Variants in ADAP1 observed in about 807,000 individuals in gnomAD.
ADAP1 encodes arf-GAP with dual PH domain-containing protein 1.
Under a neutral mutation model 54.9 loss-of-function variants are expected in ADAP1, and 31 were observed. That is an observed-to-expected ratio of 0.56 (90% CI 0.42 to 0.76). ADAP1 has a LOEUF of 0.76. ADAP1 is among the 30% of genes least tolerant of loss of function. The probability of loss-of-function intolerance (pLI) is 0.00; values close to 1 mark genes in which losing one functional copy is unlikely to be tolerated. For synonymous variants in ADAP1, 313 were observed against 202.6 expected (o/e 1.55, Z -4.63); for missense variants, 535 against 512.4 (o/e 1.04, Z -0.42).
At chr7:912,127 G>A (rs1025653033) in intron 4 of ADAP1, among the ~76,000 whole-genome samples, 7 of 152,266 alleles carry the variant, frequency 4.6e-5, no homozygotes, top group Admixed American at 2.6e-4. Flanking sequence ...TGACATTTAC[G>A]GCAACGGTCG....
intron 4 of ADAP1, among the ~76,000 whole-genome samples, chr7:909,804 G>A (rs979096144): frequency 6.6e-5 from 10 of 152,164 alleles, no homozygotes; most frequent in Non-Finnish European, 1.3e-4. Context: ...GCTACCGCGT[G>A]CCGCGCCCTG....
At chr7:949,824 G>A (rs1847226225) in intron 1 of ADAP1, among the ~76,000 whole-genome samples, 1 of 152,260 alleles carries the variant, frequency 6.6e-6, no homozygotes, top group Non-Finnish European at 1.5e-5. Context: ...GCAGGAAGCG[G>A]GCACGTGTGA....
In ADAP1 at chr7:938,678, C is replaced by T. The variant is rs918602555; in HGVS notation, c.83-3173G>A. ...GCCAGTCTCCGGGCCTCGGTCTCCTCATCTGTCGGATGGGACAGCACGAGC... is the reference window on the plus strand; with the variant it reads ...GCCAGTCTCCGGGCCTCGGTCTCCTTATCTGTCGGATGGGACAGCACGAGC... On this transcript the variant is annotated intron_variant, in intron 1 of 10. Transcript: ENST00000265846. This position sits in a 1 kb window ranked among gnomAD's most constrained non-coding sequence, Gnocchi z 4.4. Among the ~76,000 whole-genome samples, 1 of 152,192 alleles carries T rather than the reference C, an allele frequency of 6.6e-6. No individual in the cohort carries two copies. The highest frequency in any genetic ancestry group is 2.4e-5 in the African/African-American group (1 of 41,442).
chr7:920,091 C>T lies in ADAP1; in HGVS notation c.306-41G>A. The stretch of plus-strand genomic sequence containing the variant: ...AGACTGAGCCACTGGGCCAAGGCGG[C>T]CTCCGACCCAGCACACGCCGCTCTC... On this transcript the variant is annotated intron_variant, in intron 3 of 10. Coordinates refer to ENST00000265846, the MANE Select transcript of ADAP1 (RefSeq NM_006869.4). This position sits in a 1 kb window ranked among gnomAD's most constrained non-coding sequence, Gnocchi z 4.5. 1.3e-6 allele frequency: 2 copies of T among 1,581,014 alleles called. No individual in the cohort carries two copies. The highest frequency in any genetic ancestry group is 8.6e-7 in the Non-Finnish European group (1 of 1,163,972).
intron 6 of ADAP1, 152 bp downstream of exon 6, chr7:903,974 C>T: frequency 9.7e-7 from 1 of 1,029,030 alleles, no homozygotes. Flanking sequence ...CCCGCCTTCC[C>T]ACGCTGCCCA....
chr7:905,369 A>AGGAGAAAGGAGAAAGGAGAAG, intron 4 of ADAP1, 197 bp from the exon 5 acceptor site: 1 of 131,570 alleles, frequency 7.6e-6, no homozygotes, highest in Non-Finnish European at 1.3e-5. Flanking sequence ...GGAAAGGGAA[A>AGGAGAAAGGAGAAAGGAGAAG]GGGAAAGGAG....
intron 2 of ADAP1, among the ~76,000 whole-genome samples, chr7:930,491 C>T (rs780334818): frequency 8.6e-5 from 13 of 151,128 alleles, no homozygotes; most frequent in Non-Finnish European, 1.6e-4. Context: ...GCCTGGCCAA[C>T]ATAGCAAGAC....
Position 905,288 on chromosome 7 carries a change from GGGACACGGACAGGGGGAGACGGACGGGGA to G in ADAP1, c.389-145_389-117del, listed in dbSNP as rs1300581527. The G allele has an allele frequency of 1.1e-4, 40 of 363,024 alleles. 4 individuals are homozygous for G. The highest frequency in any genetic ancestry group is 1.7e-4 in the Non-Finnish European group (34 of 203,206). The allele number at this position is 363,024 out of a possible 1,614,324, so 22.5% of individuals were successfully genotyped here. A position where few individuals can be genotyped will look rare whatever the true frequency, so the allele number is the denominator to read the frequency against. On this transcript the variant is annotated intron_variant, in intron 4 of 10. Transcript: ENST00000265846. Reference sequence around the variant, plus strand: ...GAGAAGACACGGGGGACACGGACGGGGGACACGGACAGGGGGAGACGGACGGGGAGAGGGGACATGGAGGAGACAGGGAG... The same window carrying G: ...GAGAAGACACGGGGGACACGGACGGGGAGGGGACATGGAGGAGACAGGGAG...
intron 1 of ADAP1, among the ~76,000 whole-genome samples, chr7:936,912 G>C (rs1846777973): frequency 6.6e-6 from 1 of 152,240 alleles, no homozygotes; most frequent in Non-Finnish European, 1.5e-5. Flanking sequence ...ACCCCTGGCT[G>C]GTGGGGGACT....
Position 899,048 on chromosome 7 carries a change from G to T in ADAP1, c.1081C>A (p.Pro361Thr), listed in dbSNP as rs1844647090. Residue 361 changes from proline to threonine, a missense_variant, in exon 10 of 11, where the codon CCC (proline) becomes ACC (threonine). Coordinates refer to ENST00000265846, the MANE Select transcript of ADAP1 (RefSeq NM_006869.4). ...CCCCCCTCACCTGCGTACTCCTGGGGCAGCATGGGCCTGTCCACCGCCTTC... is the reference window on the plus strand; with the variant it reads ...CCCCCCTCACCTGCGTACTCCTGGGTCAGCATGGGCCTGTCCACCGCCTTC... ...FQKAVDRPMLPQEYAVEAHFK... is the reference protein window; with the variant it reads ...FQKAVDRPMLTQEYAVEAHFK... The T allele has an allele frequency of 4.4e-6, 7 of 1,608,904 alleles. No homozygotes were observed. Among genetic ancestry groups the T allele is most frequent in the Non-Finnish European group, 5.9e-6 (7 of 1,179,874 alleles).
intron 1 of ADAP1, among the ~76,000 whole-genome samples, chr7:950,251 C>G (rs1038829379): frequency 1.3e-5 from 2 of 151,964 alleles, no homozygotes; most frequent in African/African-American, 2.4e-5. Flanking sequence ...TTCGGGAGGC[C>G]GAGGCAGGCG....
intron 3 of ADAP1, among the ~76,000 whole-genome samples, chr7:922,121 C>T (rs987637164): frequency 6.6e-6 from 1 of 152,220 alleles, no homozygotes; most frequent in Non-Finnish European, 1.5e-5. Flanking sequence ...CGGAGCCCTC[C>T]CGACTCCCAC....
intron 4 of ADAP1, among the ~76,000 whole-genome samples, chr7:906,676 GACAGGGGACACGGGGGAC>G (rs1845411894): frequency 1.1e-5 from 1 of 90,178 alleles, no homozygotes; most frequent in Non-Finnish European, 2.0e-5. Context: ...AGGGGACATG[GACAGGGGACACGGGGGAC>G]ATGGACATGG....
At chr7:939,032 G>C (rs1210861412) in intron 1 of ADAP1, among the ~76,000 whole-genome samples, 1 of 152,130 alleles carries the variant, frequency 6.6e-6, no homozygotes, top group East Asian at 1.9e-4. Flanking sequence ...AGCTGGGCCT[G>C]GAAGGAGGCC....
At chr7:918,358 A>G (rs1458399705) in intron 4 of ADAP1, among the ~76,000 whole-genome samples, 1 of 152,244 alleles carries the variant, frequency 6.6e-6, no homozygotes, top group African/African-American at 2.4e-5. Context: ...CTGGGACTAC[A>G]GGTGGTGCCA....
At position 920,685 on chromosome 7, in the gene ADAP1, G is replaced by A. The variant is rs1846158461; in HGVS notation, c.306-635C>T. The A allele has an allele frequency of 1.0e-6, 1 of 1,000,648 alleles. No individual in the cohort carries two copies. The highest frequency in any genetic ancestry group is 1.4e-6 in the Non-Finnish European group (1 of 692,000). 62.0% of individuals were successfully genotyped at this position (1,000,648 alleles called of 1,614,324 possible). A position where few individuals can be genotyped will look rare whatever the true frequency, so the allele number is the denominator to read the frequency against. On this transcript the variant is annotated intron_variant, in intron 3 of 10. Transcript: ENST00000265846. The surrounding 1 kb of genome is among the most constrained non-coding windows in gnomAD (Gnocchi z 4.5). ...ACCCGGGATGAGGAGAAGCCCCCGA[G>A]AGTAAAGCCCGGGACGAGGGCCCCC... is the stretch of plus-strand genomic sequence containing the variant.
chr7:900,478 C>A, intron 7 of ADAP1, 55 bp downstream of exon 7: 2 of 1,361,508 alleles, frequency 1.5e-6, no homozygotes, highest in South Asian at 2.5e-5. Context: ...CTCCGTCCAC[C>A]CCCCACCCCA....
At chr7:906,699 ACATGGGG>A (rs1845424592) in intron 4 of ADAP1, among the ~76,000 whole-genome samples, 3 of 33,754 alleles carry the variant, frequency 8.9e-5, no homozygotes, top group African/African-American at 1.4e-4. Context: ...GGGGACATGG[ACATGGGG>A]GACGGGACAT....
Position 920,154 on chromosome 7 carries a change from A to T in ADAP1, c.306-104T>A. 2.9e-6 allele frequency: 3 copies of T among 1,020,632 alleles called. No individual in the cohort carries two copies. In the East Asian group the frequency reaches 8.0e-5, roughly 27 times the overall value. 63.2% of individuals were successfully genotyped at this position (1,020,632 alleles called of 1,614,324 possible). ...TGGACATCTCAAGAGGCTCATAGGG[A>T]CCCCCGGCAGACTCGAGCCGCCCCT... On this transcript the variant is annotated intron_variant, in intron 3 of 10. Transcript: ENST00000265846. This position sits in a 1 kb window ranked among gnomAD's most constrained non-coding sequence, Gnocchi z 4.5.
Sources: allele counts gnomAD v4.1 joint callset (sites outside exome capture counted in the v4.1 genomes callset), GRCh38; gene constraint gnomAD v4.1.1; non-coding constraint Gnocchi (gnomAD v3.1); transcripts MANE v1.5; gene names NCBI Gene and HGNC (gene_info 2026-07-23, HGNC 2026-07-21).